The following EHD1 variants were observed in gnomAD, a reference collection of about 807,000 sequenced individuals.
The protein encoded by EHD1 is EH domain containing 1.
EHD1 carries 19 observed loss-of-function variants against 39.0 expected under a neutral mutation model. The ratio of observed to expected loss-of-function variants is 0.49; its 90% CI spans 0.34 to 0.72. The LOEUF (loss-of-function observed/expected upper bound fraction) is 0.72. Ranked by LOEUF, EHD1 falls within the 30% of genes least tolerant of loss-of-function variation. The probability of loss-of-function intolerance (pLI) is 0.01; values close to 1 mark genes in which losing one functional copy is unlikely to be tolerated. For synonymous variants in EHD1, 323 were observed against 331.2 expected, an observed-to-expected ratio of 0.98 and a Z score of 0.27; for missense variants, 542 against 751.5, an observed-to-expected ratio of 0.72 and a Z score of 3.26.
intron 2 of EHD1, among the ~76,000 whole-genome samples, chr11:64,862,020 C>T (rs138668796): frequency 2.6e-4 from 39 of 152,272 alleles, no homozygotes; most frequent in Middle Eastern, 3.4e-3. Flanking sequence ...CCATCCCCCC[C>T]ACCTTAGACT....
At chr11:64,874,763 T>A (rs1236111130) in intron 1 of EHD1, among the ~76,000 whole-genome samples, 2 of 152,212 alleles carry the variant, frequency 1.3e-5, no homozygotes, top group African/African-American at 4.8e-5. Flanking sequence ...TCACACACTT[T>A]TCCCCTAGAG....
At chr11:64,855,086 C>T (rs1326766721) in intron 4 of EHD1, 6 of 826,484 alleles carry the variant, frequency 7.3e-6, no homozygotes, top group East Asian at 2.7e-5. Context: ...GGCACCAGAG[C>T]GCCTGGCATG....
intron 2 of EHD1, among the ~76,000 whole-genome samples, chr11:64,867,884 G>A (rs1353794046): frequency 6.6e-6 from 1 of 152,274 alleles, no homozygotes; most frequent in Non-Finnish European, 1.5e-5. Context: ...GGCACCTCAG[G>A]GTAGCGTGCA....
intron 3 of EHD1, among the ~76,000 whole-genome samples, chr11:64,858,623 G>T (rs1171823985): frequency 6.6e-6 from 1 of 152,240 alleles, no homozygotes; most frequent in Non-Finnish European, 1.5e-5. Context: ...TGTCCACGGG[G>T]TCAACCCCAA....
At chr11:64,862,521 G>T (rs900759635) in intron 2 of EHD1, among the ~76,000 whole-genome samples, 1 of 152,216 alleles carries the variant, frequency 6.6e-6, no homozygotes. Context: ...GATGAAAGCT[G>T]CATGTTCAGA....
chr11:64,878,376 G>A lies in EHD1; in HGVS notation c.89C>T (p.Ala30Val), dbSNP rs749640201. The A allele has an allele frequency of 1.2e-6, 2 of 1,613,672 alleles. No homozygotes were observed. Among genetic ancestry groups the A allele is most frequent in the South Asian group, 2.2e-5 (2 of 91,086 alleles). Residue 30 changes from alanine to valine, a missense_variant, in exon 1 of 5, where the codon GCG becomes GTG. Transcript: ENST00000320631. ...CTCCTCCAGGGGTAGCAGCTTCTGC[G>A]CGTACAGCTGCCGCAGCCCCTCAGC... ...TVAEGLRQLYAQKLLPLEEHY... is the reference protein window; with the variant it reads ...TVAEGLRQLYVQKLLPLEEHY...
In EHD1 at chr11:64,853,347, C is replaced by G. The variant is rs946623835; in HGVS notation, c.*986G>C. ...CCAGCACCAAGCTGTCGTGAGGCCC[C>G]GCCACCGCCACCCACCACCACCTCC... On this transcript the variant is annotated 3_prime_UTR_variant, in exon 5 of 5. Coordinates refer to ENST00000320631, the MANE Select transcript of EHD1 (RefSeq NM_006795.4). The G allele has an allele frequency of 6.6e-6, 1 of 152,302 alleles. No individual in the cohort carries two copies. Among genetic ancestry groups the G allele is most frequent in the Non-Finnish European group, 1.5e-5 (1 of 68,092 alleles). The allele number at this position is 152,302 out of a possible 1,614,324, so 9.4% of individuals were successfully genotyped here. A position where few individuals can be genotyped will look rare whatever the true frequency, so the allele number is the denominator to read the frequency against.
In EHD1 at chr11:64,854,969, A is replaced by G; in HGVS notation, c.1081-112T>C. 3 of 1,379,604 alleles carry G rather than the reference A, an allele frequency of 2.2e-6. No homozygotes were observed. The South Asian group carries it at 3.9e-5, about 18-fold the overall frequency. 85.5% of individuals were successfully genotyped at this position (1,379,604 alleles called of 1,614,324 possible). ...GCATAAAGTGCTGCTCCCCCACACT[A>G]GCAGGGGCGACTCGGCAAAACCATC... is the stretch of plus-strand genomic sequence containing the variant. On this transcript the variant is annotated intron_variant, in intron 4 of 4. Transcript: ENST00000320631.
intron 2 of EHD1, among the ~76,000 whole-genome samples, chr11:64,870,117 A>T (rs780245851): frequency 1.3e-5 from 2 of 152,220 alleles, no homozygotes; most frequent in Non-Finnish European, 2.9e-5. Flanking sequence ...TCAAAGCCCC[A>T]GACCTCAGGT....
chr11:64,879,261 A>AG, upstream of EHD1: 1 of 1,048,388 alleles, frequency 9.5e-7, no homozygotes, highest in South Asian at 2.7e-5. Flanking sequence ...GGGCAGCGAG[A>AG]GGCCTGACCT....
chr11:64,865,984 C>T (rs550808889), intron 2 of EHD1, among the ~76,000 whole-genome samples: 4 of 152,168 alleles, frequency 2.6e-5, no homozygotes, highest in Non-Finnish European at 5.9e-5. Context: ...AACTACCATT[C>T]GACTCAGCAA....
In EHD1 at chr11:64,854,327, G is replaced by A; in HGVS notation, c.*6C>T. ...GTGCAAATGGCAGGTGCGGGGCCGG[G>A]CGCCATCACTCATGTCTGCGCTTGG... is the stretch of plus-strand genomic sequence containing the variant. On this transcript the variant is annotated 3_prime_UTR_variant, in exon 5 of 5. Transcript: ENST00000320631. 6.3e-7 allele frequency: 1 copy of A among 1,596,230 alleles called. No homozygotes were observed. Among genetic ancestry groups the A allele is most frequent in the East Asian group, 2.2e-5 (1 of 44,582 alleles).
At chr11:64,864,272 C>T (rs566805321) in intron 2 of EHD1, among the ~76,000 whole-genome samples, 3 of 152,252 alleles carry the variant, frequency 2.0e-5, no homozygotes, top group South Asian at 4.1e-4. Context: ...GGTGGATGGT[C>T]GGAGACAGCA....
chr11:64,855,271 CCT>C, intron 4 of EHD1, 49 bp downstream of exon 4: 1 of 1,590,848 alleles, frequency 6.3e-7, no homozygotes. Context: ...CCTGGGCCTT[CCT>C]TCTGCCCTGA....
chr11:64,863,237 C>T (rs1041697740), intron 2 of EHD1, among the ~76,000 whole-genome samples: 1 of 152,226 alleles, frequency 6.6e-6, no homozygotes, highest in African/African-American at 2.4e-5. Context: ...GAGTCCTCAG[C>T]CCACCACCTG....
intron 1 of EHD1, 40 bp from the exon 2 acceptor site, chr11:64,874,558 C>T (rs1056401193): frequency 1.3e-6 from 2 of 1,513,602 alleles, no homozygotes; most frequent in Non-Finnish European, 1.8e-6. Flanking sequence ...CGTCAAGACA[C>T]AGTCATCACT....
chr11:64,879,660 CCA>C, upstream of EHD1: 4 of 1,550,932 alleles, frequency 2.6e-6, no homozygotes, highest in Non-Finnish European at 1.7e-6. Context: ...TCCTCCCCGG[CCA>C]CACACAGACC....
In EHD1 at chr11:64,878,235, T is replaced by C. The variant is rs771639688; in HGVS notation, c.230A>G (p.His77Arg). The stretch of plus-strand genomic sequence containing the variant: ...CCCCGGGAAGTCCTGCTCGATCAGG[T>C]GTCGGATGAAGGTGGTCTTGCCCGT... ...YSTGKTTFIR[H>R]LIEQDFPGMR... Residue 77 changes from histidine (H) to arginine (R), a missense_variant, in exon 1 of 5, where the codon CAC (histidine) becomes CGC (arginine). His to Arg is a conservative substitution (Grantham distance 29). Transcript: ENST00000320631. The C allele has an allele frequency of 6.2e-7, 1 of 1,613,768 alleles. No homozygotes were observed. The highest frequency in any genetic ancestry group is 8.5e-7 in the Non-Finnish European group (1 of 1,179,760).
At position 64,878,275 on chromosome 11, in the gene EHD1, CGAG is replaced by C; in HGVS notation, c.187_189del (p.Leu63del). The C allele has an allele frequency of 6.2e-7, 1 of 1,614,198 alleles. No homozygotes were observed. The highest frequency in any genetic ancestry group is 8.5e-7 in the Non-Finnish European group (1 of 1,180,028). ...GTCTTGCCCGTGCTGTACTGCCCCA[CGAG>C]GAGCACCATAGGCTTGTTGTCGAAG... On this transcript the variant is annotated inframe_deletion, in exon 1 of 5. Coordinates refer to ENST00000320631, the MANE Select transcript of EHD1 (RefSeq NM_006795.4).
Sources: gnomAD v4.1 joint callset for allele counts (sites outside exome capture counted in the v4.1 genomes callset) on GRCh38, gnomAD v4.1.1 for gene constraint, MANE v1.5 for transcripts, NCBI Gene and HGNC (gene_info 2026-07-23, HGNC 2026-07-21) for gene names.